Variants in FAT2 observed in about 807,000 individuals in gnomAD.
FAT2 encodes the protein FAT atypical cadherin 2, also known as protocadherin Fat 2.
A neutral mutation model predicts 295.3 loss-of-function variants in FAT2; 150 were observed. The ratio of observed to expected loss-of-function variants is 0.51; its 90% CI spans 0.44 to 0.58. The LOEUF is 0.58. FAT2 is among the 20% of genes least tolerant of loss of function. FAT2 has a pLI of 0.00. For synonymous variants in FAT2, 2,026 were observed against 2,150.3 expected (o/e 0.94, Z 1.60); for missense variants, 4,868 against 5,442.7 (o/e 0.89, Z 3.32).
intron 4 of FAT2, among the ~76,000 whole-genome samples, chr5:151,556,115 C>G (rs2127634385): frequency 6.6e-6 from 1 of 152,208 alleles, no homozygotes; most frequent in East Asian, 1.9e-4. Context: ...GCAGGCATCA[C>G]TAATCAATCA....
intron 17 of FAT2, among the ~76,000 whole-genome samples, chr5:151,526,174 A>C (rs1004501201): frequency 2.0e-5 from 3 of 152,216 alleles, no homozygotes; most frequent in African/African-American, 7.2e-5. Flanking sequence ...CCCCAAGGGC[A>C]ATGTTGGGTC....
At chr5:151,550,481 T>C in intron 8 of FAT2, 109 bp downstream of exon 8, 1 of 1,256,784 alleles carries the variant, frequency 8.0e-7, no homozygotes, top group South Asian at 1.4e-5. Flanking sequence ...CTCTGTCTCG[T>C]GCATGGTCCT....
In FAT2 at chr5:151,543,939, G is replaced by A; in HGVS notation, c.7188C>T (p.His2396=). The change falls in exon 10 of 24, where the codon CAC becomes CAT. Residue 2396 remains histidine, a synonymous_variant. Transcript: ENST00000261800. ...CAATAGCCTGGACTTTAAGAACCAG[G>A]TGTCCACAGGTTGCCAGTTCACTGA... ...ANVSELATCG[H]LVLKVQAIDP... The A allele has an allele frequency of 6.2e-7, 1 of 1,614,172 alleles. No individual in the cohort carries two copies.
Position 151,543,703 on chromosome 5 carries a change from T to C in FAT2, c.7424A>G (p.Asn2475Ser). 1 of 1,614,198 alleles carries C rather than the reference T, an allele frequency of 6.2e-7. No individual in the cohort carries two copies. The highest frequency in any genetic ancestry group is 8.5e-7 in the Non-Finnish European group (1 of 1,180,026). ...VPVYINTTNA[N>S]KYSPEFQQHL... ...CTGCTGGAACTCTGGGCTGTACTTGTTGGCATTTGTAGTGTTGATGTACAC... is the reference window on the plus strand; with the variant it reads ...CTGCTGGAACTCTGGGCTGTACTTGCTGGCATTTGTAGTGTTGATGTACAC... Residue 2475 changes from asparagine to serine, a missense_variant, in exon 10 of 24, where the codon AAC becomes AGC. By Grantham distance (46) the Asn-to-Ser change is conservative. Transcript: ENST00000261800.
intron 11 of FAT2, 125 bp downstream of exon 11, chr5:151,540,442 C>A: frequency 1.7e-6 from 1 of 605,636 alleles, no homozygotes; most frequent in Non-Finnish European, 2.9e-6. Context: ...CCTTCTCCTG[C>A]CCCTCACTCT....
intron 19 of FAT2, among the ~76,000 whole-genome samples, chr5:151,520,421 C>T (rs1753324254): frequency 6.6e-6 from 1 of 152,224 alleles, no homozygotes; most frequent in African/African-American, 2.4e-5. Flanking sequence ...AATCTCATAT[C>T]TCAGTTCCAA....
At chr5:151,506,229 TTG>T in intron 23 of FAT2, 132 bp from the exon 24 acceptor site, 1 of 907,672 alleles carries the variant, frequency 1.1e-6, no homozygotes, top group Non-Finnish European at 1.5e-6. Context: ...TCTGTGCAGG[TTG>T]TCTCTGTTGG....
chr5:151,506,751 A>G (rs1477227512), intron 23 of FAT2, among the ~76,000 whole-genome samples: 1 of 152,236 alleles, frequency 6.6e-6, no homozygotes, highest in Admixed American at 6.5e-5. Flanking sequence ...TTCCCCCTCT[A>G]GGTCAGCCAG....
Position 151,563,485 on chromosome 5 carries a change from G to T in FAT2, c.3414C>A (p.Ser1138=), listed in dbSNP as rs766900363. 5.6e-6 allele frequency: 9 copies of T among 1,614,046 alleles called. No individual in the cohort carries two copies. ...GGATGGAGGGGTAGAACACAGCTTG[G>T]GACATCTGGGGTGGGTTGTCATTGG... ...TDANDNPPQM[S]QAVFYPSIQE... is the part of the protein sequence containing the mutation. The change falls in exon 3 of 24, where the codon TCC becomes TCA. Residue 1138 remains serine, a synonymous_variant. Transcript: ENST00000261800.
chr5:151,594,301 C>T (rs1759508882), upstream of FAT2, among the ~76,000 whole-genome samples: 1 of 152,190 alleles, frequency 6.6e-6, no homozygotes, highest in South Asian at 2.1e-4. Flanking sequence ...CCTCTCTTCA[C>T]TTTAGCTCCC....
At chr5:151,577,459 G>A (rs745706505) in intron 1 of FAT2, among the ~76,000 whole-genome samples, 1 of 152,214 alleles carries the variant, frequency 6.6e-6, no homozygotes, top group African/African-American at 2.4e-5. Context: ...CTGTATTCTA[G>A]TAGCAGAGAG....
chr5:151,586,670 C>G (rs1437383787), intron 1 of FAT2, among the ~76,000 whole-genome samples: 2 of 152,172 alleles, frequency 1.3e-5, no homozygotes, highest in Admixed American at 1.3e-4. Flanking sequence ...TAACAGTCCT[C>G]CAATGTTTAT....
chr5:151,519,260 C>T (rs745623480), intron 19 of FAT2, among the ~76,000 whole-genome samples: 3 of 152,210 alleles, frequency 2.0e-5, no homozygotes, highest in Non-Finnish European at 4.4e-5. Flanking sequence ...AGCAGACTTG[C>T]TTGAACCTGG....
chr5:151,586,685 TA>T (rs1437370710), intron 1 of FAT2, among the ~76,000 whole-genome samples: 1 of 152,196 alleles, frequency 6.6e-6, no homozygotes, highest in Non-Finnish European at 1.5e-5. Context: ...GTTTATAAAA[TA>T]AAAGCCATGC....
intron 15 of FAT2, among the ~76,000 whole-genome samples, chr5:151,528,402 C>G (rs574683028): frequency 6.6e-6 from 1 of 152,256 alleles, no homozygotes; most frequent in South Asian, 2.1e-4. Flanking sequence ...AATGAATATG[C>G]CTGCAGGAAG....
chr5:151,522,241 A>C, intron 18 of FAT2, 155 bp from the exon 19 acceptor site: 2 of 585,628 alleles, frequency 3.4e-6, no homozygotes, highest in Non-Finnish European at 3.0e-6. Flanking sequence ...AAAAAAACCT[A>C]ACTCCAAAAG....
In FAT2 at chr5:151,544,650, T is replaced by C. The variant is rs145111151; in HGVS notation, c.6477A>G (p.Val2159=). The C allele has an allele frequency of 1.2e-6, 2 of 1,614,020 alleles. No individual in the cohort carries two copies. The highest frequency in any genetic ancestry group is 1.7e-6 in the Non-Finnish European group (2 of 1,180,024). The change falls in exon 10 of 24, where the codon GTA becomes GTG. Residue 2159 remains valine, a synonymous_variant. Transcript: ENST00000261800. The part of the protein sequence containing the change: ...GTPSLQSEEE[V]LVTVRNKSNP... The stretch of plus-strand genomic sequence containing the variant: ...TGGATTTATTTCTCACAGTGACAAG[T>C]ACCTCTTCCTCACTCTGGAGGGATG...
intron 18 of FAT2, among the ~76,000 whole-genome samples, chr5:151,525,226 G>A (rs992887734): frequency 6.6e-6 from 1 of 152,200 alleles, no homozygotes; most frequent in Non-Finnish European, 1.5e-5. Context: ...AATAAAGTGA[G>A]GGAGAGATAT....
At chr5:151,510,315 G>A in intron 21 of FAT2, 141 bp from the exon 22 acceptor site, 3 of 949,444 alleles carry the variant, frequency 3.2e-6, no homozygotes, top group African/African-American at 1.6e-5. Flanking sequence ...CCAATACCGT[G>A]CTGGGCATTG....
Sources: gnomAD v4.1 joint callset for allele counts (sites outside exome capture counted in the v4.1 genomes callset) on GRCh38, gnomAD v4.1.1 for gene constraint, MANE v1.5 for transcripts, NCBI Gene and HGNC (gene_info 2026-07-23, HGNC 2026-07-21) for gene names.